The following NAMPT variants were observed in gnomAD, a reference collection of about 807,000 sequenced individuals.
NAMPT encodes nicotinamide phosphoribosyltransferase, also known as NAmPRTase.
NAMPT carries 7 observed loss-of-function variants against 58.7 expected under a neutral mutation model. The ratio of observed to expected loss-of-function variants is 0.12; its 90% CI spans 0.07 to 0.22. The LOEUF (loss-of-function observed/expected upper bound fraction) is 0.22. Ranked by LOEUF, NAMPT falls within the 10% of genes least tolerant of loss-of-function variation. The pLI is 1.00. For synonymous variants in NAMPT, 145 were observed against 198.1 expected, an observed-to-expected ratio of 0.73 and a Z score of 2.25; for missense variants, 271 against 567.9, an observed-to-expected ratio of 0.48 and a Z score of 5.31.
rs549987758 is a variant in NAMPT, at chr7:106,249,000, C to G, written c.*2083G>C. On this transcript the variant is annotated 3_prime_UTR_variant, in exon 11 of 11. Coordinates refer to ENST00000222553, the MANE Select transcript of NAMPT (RefSeq NM_005746.3). The stretch of plus-strand genomic sequence containing the variant: ...ACTCTATTCTGAAGCTGCTGAAATT[C>G]ACAGAACACAGAGAATACTGTCTGT... The G allele has an allele frequency of 8.0e-4, 121 of 152,154 alleles. No homozygotes were observed. Among genetic ancestry groups the G allele is most frequent in the African/African-American group, 2.8e-3 (118 of 41,538 alleles). The allele number at this position is 152,154 out of a possible 1,614,324, so 9.4% of individuals were successfully genotyped here.
intron 8 of NAMPT, among the ~76,000 whole-genome samples, chr7:106,255,675 T>C (rs1240733541): frequency 1.3e-5 from 2 of 152,216 alleles, no homozygotes; most frequent in Non-Finnish European, 2.9e-5. Context: ...ATAAAACTTA[T>C]TTAAAAGTGA....
intron 8 of NAMPT, among the ~76,000 whole-genome samples, chr7:106,257,005 A>G (rs1238782887): frequency 1.3e-5 from 2 of 152,044 alleles, no homozygotes; most frequent in African/African-American, 4.8e-5. Flanking sequence ...GTGAAACCCT[A>G]TTTCTACTAA....
intron 10 of NAMPT, 64 bp downstream of exon 10, chr7:106,252,953 T>G (rs1792129297): frequency 1.0e-5 from 16 of 1,552,284 alleles, no homozygotes; most frequent in South Asian, 9.5e-5. Flanking sequence ...AAAACCTCCT[T>G]TCTTATTAAT....
chr7:106,267,827 C>A (rs375743163), intron 6 of NAMPT, among the ~76,000 whole-genome samples: 3 of 61,030 alleles, frequency 4.9e-5, no homozygotes, highest in African/African-American at 1.6e-4. Flanking sequence ...GGCGACAGAG[C>A]GAGACTCCGT....
intron 8 of NAMPT, among the ~76,000 whole-genome samples, chr7:106,256,875 T>G (rs1198922198): frequency 3.3e-5 from 5 of 152,180 alleles, no homozygotes; most frequent in African/African-American, 1.2e-4. Flanking sequence ...CAGGCCCAGC[T>G]TTTTAAAGGT....
At chr7:106,279,404 A>T (rs56181860) in intron 1 of NAMPT, among the ~76,000 whole-genome samples, 1,489 of 146,004 alleles carry the variant, frequency 0.01, 20 homozygotes, top group African/African-American at 0.034. Flanking sequence ...AGAAGAATAC[A>T]GAGCATGTTT....
chr7:106,269,417 CATACTATTAACT>C, intron 4 of NAMPT, 105 bp from the exon 5 acceptor site: 1 of 1,042,382 alleles, frequency 9.6e-7, no homozygotes, highest in South Asian at 1.6e-5. Context: ...CCTGAACTTC[CATACTATTAACT>C]AGACACAGAA....
upstream of NAMPT, chr7:106,285,253 C>T: frequency 2.3e-6 from 2 of 886,340 alleles, no homozygotes; most frequent in Non-Finnish European, 2.8e-6. Flanking sequence ...GCTCTTCCTC[C>T]CAGACGCCAG....
chr7:106,284,927 C>A lies in NAMPT; in HGVS notation c.-43G>T, dbSNP rs1444154744. On this transcript the variant is annotated 5_prime_UTR_variant, in exon 1 of 11. Transcript: ENST00000222553. The stretch of plus-strand genomic sequence containing the variant: ...GGGCCGCGCGCCGCGAGCTCCCTGG[C>A]GCGGCTGCGAGGAAGGAGAAAAATG... 5 of 1,563,650 alleles carry A rather than the reference C, an allele frequency of 3.2e-6. No homozygotes were observed. Among genetic ancestry groups the A allele is most frequent in the African/African-American group, 1.4e-5 (1 of 73,822 alleles).
chr7:106,282,717 T>C (rs574488819), intron 1 of NAMPT, among the ~76,000 whole-genome samples: 109 of 152,328 alleles, frequency 7.2e-4, no homozygotes, highest in African/African-American at 2.4e-3. Context: ...ACTTGCAAAA[T>C]AACTTTCGTA....
At chr7:106,284,759 G>GC (rs1195070742) in intron 1 of NAMPT, 69 bp downstream of exon 1, 4 of 128,512 alleles carry the variant, frequency 3.1e-5, no homozygotes, top group African/African-American at 3.4e-4. Context: ...AGCCGCCCCC[G>GC]CCCCCCTGCC....
rs1234857359 is a variant in NAMPT, at chr7:106,277,227, A to ATAAATC, written c.58-54_58-49dup. ...GTTAGAAAACACCGATGAGTAGACTATAAATCACAACAGAAAAGGCTTGAA... is the reference window on the plus strand; with the variant it reads ...GTTAGAAAACACCGATGAGTAGACTATAAATCTAAATCACAACAGAAAAGGCTTGAA... On this transcript the variant is annotated intron_variant, in intron 1 of 10. Coordinates refer to ENST00000222553, the MANE Select transcript of NAMPT (RefSeq NM_005746.3). 4 of 1,453,166 alleles carry ATAAATC rather than the reference A, an allele frequency of 2.8e-6. No individual in the cohort carries two copies. In the African/African-American group the frequency reaches 4.3e-5, roughly 16 times the overall value. 90.0% of individuals were successfully genotyped at this position (1,453,166 alleles called of 1,614,324 possible).
intron 6 of NAMPT, among the ~76,000 whole-genome samples, chr7:106,267,664 A>C (rs1335974281): frequency 6.6e-6 from 1 of 150,484 alleles, no homozygotes; most frequent in African/African-American, 2.4e-5. Flanking sequence ...AAACGGTGAA[A>C]CCCCGTCTCT....
chr7:106,283,528 T>A (rs975085389), intron 1 of NAMPT, among the ~76,000 whole-genome samples: 3 of 152,208 alleles, frequency 2.0e-5, no homozygotes, highest in Non-Finnish European at 2.9e-5. Context: ...AATCACTATT[T>A]AAAATTTTGA....
At chr7:106,272,405 C>G (rs1792553802) in intron 4 of NAMPT, 125 bp downstream of exon 4, 1 of 770,614 alleles carries the variant, frequency 1.3e-6, no homozygotes, top group Non-Finnish European at 1.9e-6. Flanking sequence ...GAAATTGAAG[C>G]CTGGAAAGGT....
intron 6 of NAMPT, among the ~76,000 whole-genome samples, chr7:106,267,408 A>G (rs1310756560): frequency 1.3e-5 from 2 of 152,172 alleles, no homozygotes; most frequent in South Asian, 4.1e-4. Flanking sequence ...AGCAACAATA[A>G]AGCTTAGCTT....
intron 1 of NAMPT, among the ~76,000 whole-genome samples, chr7:106,281,141 A>C (rs2115838791): frequency 6.6e-6 from 1 of 151,588 alleles, no homozygotes. Flanking sequence ...GTTTCCATTA[A>C]GGAGTGCTGG....
At chr7:106,274,644 C>G (rs771895037) in intron 3 of NAMPT, among the ~76,000 whole-genome samples, 6 of 152,096 alleles carry the variant, frequency 3.9e-5, no homozygotes, top group Non-Finnish European at 5.9e-5. Flanking sequence ...CACTTGAAGT[C>G]AGGAGTTTGA....
intron 6 of NAMPT, among the ~76,000 whole-genome samples, chr7:106,265,779 T>C (rs1025451370): frequency 6.6e-6 from 1 of 152,150 alleles, no homozygotes; most frequent in Non-Finnish European, 1.5e-5. Context: ...ATGAAGATCA[T>C]AAATAATCAA....
Sources: allele counts gnomAD v4.1 joint callset (sites outside exome capture counted in the v4.1 genomes callset), GRCh38; gene constraint gnomAD v4.1.1; transcripts MANE v1.5; gene names NCBI Gene and HGNC (gene_info 2026-07-23, HGNC 2026-07-21).